PAXX: variants seen among roughly 807,000 people sequenced by gnomAD.
PAXX encodes protein PAXX.
Under a neutral mutation model 25.6 loss-of-function variants are expected in PAXX, and 27 were observed. The ratio of observed to expected loss-of-function variants is 1.06; its 90% CI spans 0.78 to 1.46. The LOEUF is 1.46. Among genes scored for constraint, PAXX ranks in the 40% most tolerant of loss-of-function variants. PAXX has a pLI of 0.00. For synonymous variants in PAXX, 126 were observed against 125.7 expected (o/e 1.00, Z -0.02); for missense variants, 295 against 280.2 (o/e 1.05, Z -0.38).
In PAXX at chr9:136,992,931, C is replaced by G. The variant is rs746456387; in HGVS notation, c.187C>G (p.Arg63Gly). 1.9e-6 allele frequency: 3 copies of G among 1,613,610 alleles called. No individual in the cohort carries two copies. Residue 63 changes from arginine (R) to glycine (G), a missense_variant, in exon 3 of 7, where the codon CGT (arginine) becomes GGT (glycine). Coordinates refer to ENST00000371620, the MANE Select transcript of PAXX (RefSeq NM_183241.3). ...AAGCCCCTGTGCTCTCTAGAAAGCC[C>G]GTTTTGGCCTGAGTGCGGCTGAGGA... ...TPDSLAALKA[R>G]FGLSAAEDIT...
In PAXX at chr9:136,993,882, C is replaced by G. The variant is rs1830651341; in HGVS notation, c.*77C>G. Reference sequence around the variant, plus strand: ...CAGTCTTTGAGGCCCCCATCAGAGACCCCCCGCCACCACCTCCACCTGCCT... The same window carrying G: ...CAGTCTTTGAGGCCCCCATCAGAGAGCCCCCGCCACCACCTCCACCTGCCT... On this transcript the variant is annotated 3_prime_UTR_variant, in exon 7 of 7. Coordinates refer to ENST00000371620, the MANE Select transcript of PAXX (RefSeq NM_183241.3). 1 of 1,396,700 alleles carries G rather than the reference C, an allele frequency of 7.2e-7. No homozygotes were observed. The highest frequency in any genetic ancestry group is 2.4e-5 in the East Asian group (1 of 41,164). The allele number at this position is 1,396,700 out of a possible 1,614,324, so 86.5% of individuals were successfully genotyped here. A position where few individuals can be genotyped will look rare whatever the true frequency, so the allele number is the denominator to read the frequency against.
At chr9:136,992,878 G>A (rs1244819941) in intron 2 of PAXX, 47 bp from the exon 3 acceptor site, 1 of 1,612,380 alleles carries the variant, frequency 6.2e-7, no homozygotes, top group Non-Finnish European at 8.5e-7. Context: ...TGCCCCCAGT[G>A]GGCCTCGGGT....
In PAXX at chr9:136,992,484, GC is replaced by G; in HGVS notation, c.45del (p.Glu16SerfsTer26). 2 of 1,384,164 alleles carry G rather than the reference GC, an allele frequency of 1.4e-6. No homozygotes were observed. Among genetic ancestry groups the G allele is most frequent in the South Asian group, 1.6e-5 (1 of 61,562 alleles). 85.7% of individuals were successfully genotyped at this position (1,384,164 alleles called of 1,614,324 possible). ...LSPPLCTLPPGPEPPRFVCYC... is the reference protein window; with the variant it reads ...LSPPLCTLPPXPEPPRFVCYC... Reference sequence around the variant, plus strand: ...CCGCCGCTCTGCACGCTGCCGCCGGGCCCCGAGCCGCCCCGCTTCGTGTGCT... The same window carrying G: ...CCGCCGCTCTGCACGCTGCCGCCGGGCCCGAGCCGCCCCGCTTCGTGTGCT... On this transcript the variant is annotated frameshift_variant, in exon 1 of 7. Transcript: ENST00000371620. LOFTEE classifies it high-confidence loss of function.
intron 4 of PAXX, 33 bp downstream of exon 4, chr9:136,993,276 C>A (rs762140528): frequency 6.4e-7 from 1 of 1,564,950 alleles, no homozygotes; most frequent in Non-Finnish European, 8.7e-7. Context: ...CATACCTTCA[C>A]TGGGGTCCCC....
chr9:136,993,443 G>A, intron 5 of PAXX, 32 bp downstream of exon 5: 2 of 1,600,318 alleles, frequency 1.2e-6, no homozygotes. Context: ...CTCAAGTAGG[G>A]CTGTGCTCTT....
In PAXX at chr9:136,993,073, C is replaced by T; in HGVS notation, c.251C>T (p.Ala84Val). ...PRFRAACEQQ[A>V]VALTLQEDRA... is the part of the protein sequence containing the mutation. ...CCCAGGGCAGCCTGTGAGCAGCAAGCTGTGGCTCTGACTCTGCAGGAGGAC... is the reference window on the plus strand; with the variant it reads ...CCCAGGGCAGCCTGTGAGCAGCAAGTTGTGGCTCTGACTCTGCAGGAGGAC... The change falls in exon 4 of 7, where the codon GCT (alanine) becomes GTT (valine). Residue 84 changes from alanine to valine, a missense_variant. Coordinates refer to ENST00000371620, the MANE Select transcript of PAXX (RefSeq NM_183241.3). 1 of 1,611,608 alleles carries T rather than the reference C, an allele frequency of 6.2e-7. No homozygotes were observed. The highest frequency in any genetic ancestry group is 8.5e-7 in the Non-Finnish European group (1 of 1,179,542).
rs1263150381 is a variant in PAXX, at chr9:136,992,682, G to A, written c.162G>A (p.Pro54=). 2 of 1,540,620 alleles carry A rather than the reference G, an allele frequency of 1.3e-6. No homozygotes were observed. Among genetic ancestry groups the A allele is most frequent in the African/African-American group, 1.4e-5 (1 of 73,180 alleles). Residue 54 remains proline, a synonymous_variant, in exon 2 of 7, where the codon CCG becomes CCA. Coordinates refer to ENST00000371620, the MANE Select transcript of PAXX (RefSeq NM_183241.3). The part of the protein sequence containing the change: ...AAELWSTCFT[P]DSLAALKARF... ...AGCTTTGGAGCACCTGCTTCACGCCGGACAGCCTGGCGGCCCTCGTGGGTA... is the reference window on the plus strand; with the variant it reads ...AGCTTTGGAGCACCTGCTTCACGCCAGACAGCCTGGCGGCCCTCGTGGGTA...
At chr9:136,992,773 A>T in intron 2 of PAXX, 73 bp downstream of exon 2, 1 of 1,570,912 alleles carries the variant, frequency 6.4e-7, no homozygotes, top group Non-Finnish European at 8.6e-7. Flanking sequence ...GGCGACAGAC[A>T]TCTGGGATTC....
At position 136,993,750 on chromosome 9, in the gene PAXX, C is replaced by G; in HGVS notation, c.576-16C>G. ...CCACACCATAGTGCCATAGTGACAC[C>G]CCTCTTCCCTCCCAGTAAGAAACCA... On this transcript the variant is annotated splice_polypyrimidine_tract_variant and intron_variant, in intron 6 of 6. Coordinates refer to ENST00000371620, the MANE Select transcript of PAXX (RefSeq NM_183241.3). 6.2e-7 allele frequency: 1 copy of G among 1,613,984 alleles called. No homozygotes were observed. Among genetic ancestry groups the G allele is most frequent in the Non-Finnish European group, 8.5e-7 (1 of 1,180,010 alleles).
rs376845706 is a variant in PAXX, at chr9:136,993,034, C to A, written c.231-19C>A. The A allele has an allele frequency of 8.2e-5, 133 of 1,612,690 alleles. No individual in the cohort carries two copies. The highest frequency in any genetic ancestry group is 1.1e-4 in the Non-Finnish European group (130 of 1,179,970). On this transcript the variant is annotated intron_variant, in intron 3 of 6. Coordinates refer to ENST00000371620, the MANE Select transcript of PAXX (RefSeq NM_183241.3). ...AGGAGGAGGGTCTGCCACAGCTCTC[C>A]GCACCTCTCCTCTCCCAGGGCAGCC...
Position 136,993,833 on chromosome 9 carries a change from G to A in PAXX, c.*28G>A. 3 of 1,611,864 alleles carry A rather than the reference G, an allele frequency of 1.9e-6. No individual in the cohort carries two copies. Among genetic ancestry groups the A allele is most frequent in the South Asian group, 2.2e-5 (2 of 91,060 alleles). On this transcript the variant is annotated 3_prime_UTR_variant, in exon 7 of 7. Coordinates refer to ENST00000371620, the MANE Select transcript of PAXX (RefSeq NM_183241.3). ...GTGCAGCACAAGCGTGGCCCCGCGGGGAGTCCGCCTATGAGGGGAGAGGCA... is the reference window on the plus strand; with the variant it reads ...GTGCAGCACAAGCGTGGCCCCGCGGAGAGTCCGCCTATGAGGGGAGAGGCA...
chr9:136,992,451 C>T lies in PAXX; in HGVS notation c.8C>T (p.Pro3Leu), dbSNP rs545649201. 1.2e-5 allele frequency: 16 copies of T among 1,293,130 alleles called. No individual in the cohort carries two copies. The South Asian group carries it at 1.6e-4, about 13-fold the overall frequency. 80.1% of individuals were successfully genotyped at this position (1,293,130 alleles called of 1,614,324 possible). Residue 3 changes from proline (P) to leucine (L), a missense_variant, in exon 1 of 7, where the codon CCG (proline) becomes CTG (leucine). Coordinates refer to ENST00000371620, the MANE Select transcript of PAXX (RefSeq NM_183241.3). ...TCCCGCTCGCCCGGCGCCATGGATC[C>T]GCTGTCGCCGCCGCTCTGCACGCTG... MD[P>L]LSPPLCTLPP...
rs747829305 is a variant in PAXX, at chr9:136,993,235, G to T, written c.413G>T (p.Arg138Leu). 1.3e-6 allele frequency: 2 copies of T among 1,539,302 alleles called. No individual in the cohort carries two copies. The highest frequency in any genetic ancestry group is 8.7e-7 in the Non-Finnish European group (1 of 1,147,682). ...LAKRVWSLER[R>L]LAAAEETAVS... ...AAACGCGTGTGGAGCCTGGAGCGGCGACTGGCAGGTAGGATTGGGGGTGGG... is the reference window on the plus strand; with the variant it reads ...AAACGCGTGTGGAGCCTGGAGCGGCTACTGGCAGGTAGGATTGGGGGTGGG... Residue 138 changes from arginine to leucine, a missense_variant, in exon 4 of 7, where the codon CGA becomes CTA. Physicochemically the swap from Arg to Leu is moderately radical, Grantham distance 102. Coordinates refer to ENST00000371620, the MANE Select transcript of PAXX (RefSeq NM_183241.3).
Position 136,993,864 on chromosome 9 carries a change from T to C in PAXX, c.*59T>C. 4 of 1,578,216 alleles carry C rather than the reference T, an allele frequency of 2.5e-6. No individual in the cohort carries two copies. The Admixed American group carries it at 6.8e-5, about 27-fold the overall frequency. On this transcript the variant is annotated 3_prime_UTR_variant, in exon 7 of 7. Coordinates refer to ENST00000371620, the MANE Select transcript of PAXX (RefSeq NM_183241.3). ...CGCCTATGAGGGGAGAGGCAGTCTT[T>C]GAGGCCCCCATCAGAGACCCCCCGC...
Position 136,993,807 on chromosome 9 carries a change from G to A in PAXX, c.*2G>A, listed in dbSNP as rs773998649. 1.1e-5 allele frequency: 18 copies of A among 1,613,748 alleles called. No homozygotes were observed. In the South Asian group the frequency reaches 1.5e-4, roughly 14 times the overall value. ...GGCGTGGACTTCGATGAGACCTGAA[G>A]GTGCAGCACAAGCGTGGCCCCGCGG... On this transcript the variant is annotated 3_prime_UTR_variant, in exon 7 of 7. Coordinates refer to ENST00000371620, the MANE Select transcript of PAXX (RefSeq NM_183241.3).
chr9:136,993,421 G>C lies in PAXX; in HGVS notation c.490+10G>C. On this transcript the variant is annotated intron_variant, in intron 5 of 6. Transcript: ENST00000371620. ...CAGCTCTTCTTACCAGGTAAGGCAT[G>C]TCCGCCTGTGACTCAAGTAGGGCTG... 1.2e-6 allele frequency: 2 copies of C among 1,604,046 alleles called. No homozygotes were observed. Among genetic ancestry groups the C allele is most frequent in the Non-Finnish European group, 1.7e-6 (2 of 1,174,746 alleles).
In PAXX at chr9:136,992,507, T is replaced by TA; in HGVS notation, c.64_65insA (p.Cys22Ter). 7.0e-7 allele frequency: 1 copy of TA among 1,425,964 alleles called. No individual in the cohort carries two copies. Among genetic ancestry groups the TA allele is most frequent in the Admixed American group, 3.0e-5 (1 of 33,872 alleles). The allele number at this position is 1,425,964 out of a possible 1,614,324, so 88.3% of individuals were successfully genotyped here. A position where few individuals can be genotyped will look rare whatever the true frequency, so the allele number is the denominator to read the frequency against. Residue 22 changes from cysteine to a stop codon, truncating the protein, a stop_gained and frameshift_variant, in exon 1 of 7, where the codon TGC becomes TAGC. Coordinates refer to ENST00000371620, the MANE Select transcript of PAXX (RefSeq NM_183241.3). LOFTEE classifies it high-confidence loss of function. ...PPGPEPPRFV[C>*]YCEGEESGEG... is the part of the protein sequence containing the mutation. ...GGGCCCCGAGCCGCCCCGCTTCGTG[T>TA]GCTACTGCGAAGGGGAGGAAAGCGG... is the stretch of plus-strand genomic sequence containing the variant.
Position 136,993,912 on chromosome 9 carries a change from T to C in PAXX, c.*107T>C. 8.8e-7 allele frequency: 1 copy of C among 1,138,106 alleles called. No homozygotes were observed. The highest frequency in any genetic ancestry group is 1.3e-6 in the Non-Finnish European group (1 of 780,446). 70.5% of individuals were successfully genotyped at this position (1,138,106 alleles called of 1,614,324 possible). A position where few individuals can be genotyped will look rare whatever the true frequency, so the allele number is the denominator to read the frequency against. The stretch of plus-strand genomic sequence containing the variant: ...CGCCACCACCTCCACCTGCCTGTCC[T>C]GGGCCAGGACTAACACGGCTCCTCA... On this transcript the variant is annotated 3_prime_UTR_variant, in exon 7 of 7. Coordinates refer to ENST00000371620, the MANE Select transcript of PAXX (RefSeq NM_183241.3).
chr9:136,993,280 G>A (rs1588494450), intron 4 of PAXX, 37 bp downstream of exon 4: 8 of 1,567,922 alleles, frequency 5.1e-6, no homozygotes, highest in Non-Finnish European at 6.9e-6. Context: ...CCTTCACTGG[G>A]GTCCCCTGCT....
Sources: gnomAD v4.1 joint callset for allele counts on GRCh38, gnomAD v4.1.1 for gene constraint, MANE v1.5 for transcripts, NCBI Gene and HGNC (gene_info 2026-07-23, HGNC 2026-07-21) for gene names.